Variants in FLT3 observed in about 807,000 individuals in gnomAD.
The protein encoded by FLT3 is fms related receptor tyrosine kinase 3.
In FLT3, 46 loss-of-function variants were observed where a neutral mutation model predicts 126.6. The observed-to-expected ratio is 0.36, with a 90% CI of 0.29 to 0.46. FLT3 has a LOEUF of 0.46. Among genes scored for constraint, FLT3 ranks in the 20% least tolerant of loss-of-function variants. The probability of loss-of-function intolerance (pLI) is 1.00; values close to 1 mark genes in which losing one functional copy is unlikely to be tolerated. For missense variants in FLT3, 1,069 were observed against 1,190.3 expected, an observed-to-expected ratio of 0.90 and a Z score of 1.50; for synonymous variants, 404 against 434.4, an observed-to-expected ratio of 0.93 and a Z score of 0.87.
intron 1 of FLT3, among the ~76,000 whole-genome samples, chr13:28,070,926 G>T (rs373948785): frequency 6.8e-6 from 1 of 147,186 alleles, no homozygotes; most frequent in Non-Finnish European, 1.5e-5. Context: ...CTGAGGAAAT[G>T]ATTATTTGTA....
chr13:28,023,474 T>A lies in FLT3; in HGVS notation c.2294A>T (p.Glu765Val), dbSNP rs749065149. 1.9e-6 allele frequency: 3 copies of A among 1,613,804 alleles called. No individual in the cohort carries two copies. The highest frequency in any genetic ancestry group is 2.5e-6 in the Non-Finnish European group (3 of 1,179,956). ...LHGNSFHSED[E>V]IEYENQKRLE... ...CCTTTTTTGGTTTTCATATTCAATTTCATCTGTAAAATAGAGCCAGTCTTC... is the reference window on the plus strand; with the variant it reads ...CCTTTTTTGGTTTTCATATTCAATTACATCTGTAAAATAGAGCCAGTCTTC... Residue 765 changes from glutamate (E) to valine (V), a missense_variant, in exon 19 of 24, where the codon GAA becomes GTA. Glu to Val is a moderately radical substitution (Grantham distance 121). Coordinates refer to ENST00000241453, the MANE Select transcript of FLT3 (RefSeq NM_004119.3).
At chr13:28,028,772 T>TTC (rs1168667938) in intron 15 of FLT3, among the ~76,000 whole-genome samples, 1 of 125,266 alleles carries the variant, frequency 8.0e-6, no homozygotes, top group African/African-American at 2.9e-5. Flanking sequence ...TCTTTTTTTT[T>TTC]TTTCCTTTTC....
At chr13:28,082,659 C>T (rs150042404) in intron 1 of FLT3, among the ~76,000 whole-genome samples, 1,742 of 147,896 alleles carry the variant, frequency 0.012, 16 homozygotes, top group Middle Eastern at 0.044. Flanking sequence ...GGAGCCACGA[C>T]GCCCAGCTAA....
chr13:28,049,062 G>A (rs1214474998), intron 8 of FLT3, among the ~76,000 whole-genome samples: 2 of 152,162 alleles, frequency 1.3e-5, no homozygotes, highest in Non-Finnish European at 2.9e-5. Context: ...CAGGCTCTGT[G>A]TCAGGTTCTG....
intron 9 of FLT3, among the ~76,000 whole-genome samples, 169 bp downstream of exon 9, chr13:28,048,106 T>C (rs895511037): frequency 1.1e-4 from 17 of 152,254 alleles, no homozygotes; most frequent in African/African-American, 4.1e-4. Flanking sequence ...GTAAGACTGC[T>C]ACTGTATCCT....
In FLT3 at chr13:28,049,758, A is replaced by G; in HGVS notation, c.759T>C (p.Pro253=). The change falls in exon 7 of 24, where the codon CCT becomes CCC. Residue 253 remains proline, a synonymous_variant. Coordinates refer to ENST00000241453, the MANE Select transcript of FLT3 (RefSeq NM_004119.3). Reference sequence around the variant, plus strand: ...GAAATAATTGTGGCAATGTGGTCTGAGGAGTTTGATTTAGATCTAGGAGAT... The same window carrying G: ...GAAATAATTGTGGCAATGTGGTCTGGGGAGTTTGATTTAGATCTAGGAGAT... ...RLFTIDLNQT[P]QTTLPQLFLK... 1 of 1,613,878 alleles carries G rather than the reference A, an allele frequency of 6.2e-7. No individual in the cohort carries two copies. Among genetic ancestry groups the G allele is most frequent in the Non-Finnish European group, 8.5e-7 (1 of 1,179,916 alleles).
chr13:28,092,045 G>A (rs1282393843), intron 1 of FLT3, among the ~76,000 whole-genome samples: 1 of 152,154 alleles, frequency 6.6e-6, no homozygotes. Flanking sequence ...ACTCCAGCCT[G>A]GGTGATGGAG....
At chr13:28,047,900 T>C (rs751544460) in intron 9 of FLT3, among the ~76,000 whole-genome samples, 29 of 152,148 alleles carry the variant, frequency 1.9e-4, no homozygotes, top group South Asian at 4.1e-4. Flanking sequence ...TGTTTTTCTG[T>C]TTTTAAGGAG....
chr13:28,052,461 T>G, intron 5 of FLT3, 84 bp downstream of exon 5: 1 of 1,371,646 alleles, frequency 7.3e-7, no homozygotes, highest in Non-Finnish European at 1.0e-6. Flanking sequence ...TAAATTAAAT[T>G]TTACATACAG....
chr13:28,074,301 GT>G (rs1877780410), intron 1 of FLT3, among the ~76,000 whole-genome samples: 1 of 152,112 alleles, frequency 6.6e-6, no homozygotes, highest in South Asian at 2.1e-4. Context: ...AACACAATTT[GT>G]TTTAATCTAT....
intron 1 of FLT3, chr13:28,073,483 C>A: frequency 3.3e-6 from 1 of 299,822 alleles, no homozygotes; most frequent in South Asian, 3.0e-5. Context: ...AAGAACTTTT[C>A]CTGCTCCACT....
intron 23 of FLT3, among the ~76,000 whole-genome samples, chr13:28,006,306 TTGTGTGTGTGTGTG>T (rs4002773): frequency 0.036 from 5,269 of 147,090 alleles, 276 homozygotes; most frequent in African/African-American, 0.12. Flanking sequence ...TTCTAGAAAA[TTGTGTGTGTGTGTG>T]TGTGTGTGTG....
intron 19 of FLT3, among the ~76,000 whole-genome samples, chr13:28,021,887 C>T (rs558369051): frequency 8.6e-5 from 13 of 151,940 alleles, no homozygotes; most frequent in South Asian, 4.2e-4. Flanking sequence ...GGACTACAGG[C>T]GCCCGCCACC....
At position 28,034,416 on chromosome 13, in the gene FLT3, A is replaced by G. The variant is rs1411264923; in HGVS notation, c.1598-9T>C. On this transcript the variant is annotated splice_polypyrimidine_tract_variant and intron_variant, in intron 12 of 23. Coordinates refer to ENST00000241453, the MANE Select transcript of FLT3 (RefSeq NM_004119.3). ...GATGAAAGGGAAGGGGCCTGCAACA[A>G]AAGAGTGTCACTCAGCGATGAAACA... 1.3e-6 allele frequency: 2 copies of G among 1,582,436 alleles called. No individual in the cohort carries two copies. Among genetic ancestry groups the G allele is most frequent in the Non-Finnish European group, 1.7e-6 (2 of 1,151,476 alleles).
chr13:28,019,167 A>C (rs914546281), intron 19 of FLT3, among the ~76,000 whole-genome samples: 6 of 152,014 alleles, frequency 3.9e-5, no homozygotes, highest in African/African-American at 1.4e-4. Flanking sequence ...GCGTTTCGCC[A>C]TGTTGGTCAG....
chr13:28,091,504 A>G (rs556318336), intron 1 of FLT3, among the ~76,000 whole-genome samples: 5 of 151,408 alleles, frequency 3.3e-5, no homozygotes, highest in African/African-American at 1.2e-4. Context: ...TACAGGCGTG[A>G]GCCACCGCGC....
intron 15 of FLT3, among the ~76,000 whole-genome samples, chr13:28,033,108 G>A (rs1359912617): frequency 6.6e-5 from 10 of 150,510 alleles, no homozygotes; most frequent in Admixed American, 4.7e-4. Context: ...CTTGAGCCAG[G>A]AGTTTGCAAC....
intron 4 of FLT3, among the ~76,000 whole-genome samples, chr13:28,055,671 G>A (rs1875939037): frequency 1.3e-5 from 2 of 152,144 alleles, no homozygotes; most frequent in African/African-American, 4.8e-5. Flanking sequence ...AATAACTGTT[G>A]TTACATTTTT....
At chr13:28,046,651 C>T (rs540894998) in intron 9 of FLT3, among the ~76,000 whole-genome samples, 8 of 151,980 alleles carry the variant, frequency 5.3e-5, no homozygotes, top group African/African-American at 4.8e-5. Context: ...GGCTGGAGTG[C>T]GGTGACGTGA....
Sources: gnomAD v4.1 joint callset for allele counts (sites outside exome capture counted in the v4.1 genomes callset) on GRCh38, gnomAD v4.1.1 for gene constraint, MANE v1.5 for transcripts, NCBI Gene and HGNC (gene_info 2026-07-23, HGNC 2026-07-21) for gene names.